Variants in RSPO3 observed in about 807,000 individuals in gnomAD.
RSPO3 encodes the protein R-spondin-3.
Under a neutral mutation model 36.5 loss-of-function variants are expected in RSPO3, and 17 were observed. The observed-to-expected ratio is 0.47, with a 90% CI of 0.32 to 0.70. RSPO3 has a LOEUF of 0.70. RSPO3 is among the 30% of genes least tolerant of loss of function. The pLI is 0.04. For missense variants in RSPO3, 294 were observed against 322.5 expected (o/e 0.91, Z 0.68); for synonymous variants, 108 against 107.0 (o/e 1.01, Z -0.06).
At chr6:127,133,921 T>C (rs1774104443) in intron 1 of RSPO3, among the ~76,000 whole-genome samples, 1 of 152,114 alleles carries the variant, frequency 6.6e-6, no homozygotes, top group Non-Finnish European at 1.5e-5. Flanking sequence ...GGAAAGAAAA[T>C]ATTAATTCAG....
At chr6:127,125,906 A>T (rs1182586961) in intron 1 of RSPO3, among the ~76,000 whole-genome samples, 1 of 152,126 alleles carries the variant, frequency 6.6e-6, no homozygotes, top group Non-Finnish European at 1.5e-5. Flanking sequence ...AATTATGAGG[A>T]AGAGATGATT....
intron 1 of RSPO3, among the ~76,000 whole-genome samples, chr6:127,121,755 C>A (rs1321416235): frequency 6.6e-6 from 1 of 152,146 alleles, no homozygotes; most frequent in East Asian, 1.9e-4. Context: ...AAAAAACGAA[C>A]AAAAAGATTC....
At chr6:127,142,376 A>G (rs1162690768) in intron 1 of RSPO3, among the ~76,000 whole-genome samples, 2 of 152,332 alleles carry the variant, frequency 1.3e-5, no homozygotes, top group Non-Finnish European at 2.9e-5. Flanking sequence ...TTAGAGAGAC[A>G]GCCAAATAAT....
At chr6:127,172,826 T>A (rs1774967755) in intron 4 of RSPO3, among the ~76,000 whole-genome samples, 1 of 151,732 alleles carries the variant, frequency 6.6e-6, no homozygotes, top group African/African-American at 2.4e-5. Flanking sequence ...GTGTGAGTAG[T>A]AGATTTCACA....
intron 4 of RSPO3, 27 bp downstream of exon 4, chr6:127,155,465 T>C: frequency 1.9e-6 from 3 of 1,592,826 alleles, no homozygotes; most frequent in East Asian, 4.5e-5. Context: ...AAAATGTGCT[T>C]GTTTGAATCC....
At chr6:127,189,652 T>C (rs1248762482) in intron 4 of RSPO3, among the ~76,000 whole-genome samples, 1 of 152,236 alleles carries the variant, frequency 6.6e-6, no homozygotes, top group Non-Finnish European at 1.5e-5. Context: ...AATCTCAGTA[T>C]ATTTTAATGG....
chr6:127,144,370 G>T (rs1312119584), intron 1 of RSPO3, among the ~76,000 whole-genome samples: 1 of 151,906 alleles, frequency 6.6e-6, no homozygotes, highest in Non-Finnish European at 1.5e-5. Context: ...TTTCACCTCT[G>T]ATCTAAACTC....
At chr6:127,135,639 CAT>C (rs1214058161) in intron 1 of RSPO3, among the ~76,000 whole-genome samples, 1 of 151,670 alleles carries the variant, frequency 6.6e-6, no homozygotes, top group Admixed American at 6.6e-5. Context: ...CAGAAAAGCA[CAT>C]GTCGATTAGA....
chr6:127,140,178 C>A (rs1774242293), intron 1 of RSPO3, among the ~76,000 whole-genome samples: 1 of 152,042 alleles, frequency 6.6e-6, no homozygotes, highest in Admixed American at 6.6e-5. Flanking sequence ...TGTTGTTACT[C>A]TAAGTTATTT....
At chr6:127,178,938 T>C (rs1169566401) in intron 4 of RSPO3, among the ~76,000 whole-genome samples, 1 of 151,976 alleles carries the variant, frequency 6.6e-6, no homozygotes. Context: ...AGAGAAAACA[T>C]GGGAATAAAT....
intron 4 of RSPO3, among the ~76,000 whole-genome samples, chr6:127,157,977 T>A (rs1388210776): frequency 2.0e-5 from 3 of 151,340 alleles, no homozygotes; most frequent in Non-Finnish European, 4.4e-5. Context: ...ATCAAAATAA[T>A]AACATCCAGA....
chr6:127,140,808 C>G (rs1774254563), intron 1 of RSPO3, among the ~76,000 whole-genome samples: 1 of 152,142 alleles, frequency 6.6e-6, no homozygotes. Context: ...TGGTACCTGT[C>G]ATGTTGCTCC....
At chr6:127,157,006 A>G (rs184123196) in intron 4 of RSPO3, among the ~76,000 whole-genome samples, 2 of 152,280 alleles carry the variant, frequency 1.3e-5, no homozygotes, top group African/African-American at 4.8e-5. Flanking sequence ...GGGTTATTTA[A>G]AGAGAACTTC....
intron 1 of RSPO3, among the ~76,000 whole-genome samples, chr6:127,138,163 T>C (rs766138855): frequency 3.9e-5 from 6 of 152,106 alleles, no homozygotes; most frequent in Non-Finnish European, 8.8e-5. Flanking sequence ...ATCCAGGCCA[T>C]TTTTACACAC....
Position 127,155,334 on chromosome 6 carries a change from G to A in RSPO3, c.530G>A (p.Arg177Gln), listed in dbSNP as rs763043841. The change falls in exon 4 of 5, where the codon CGA becomes CAA. Residue 177 changes from arginine (R) to glutamine (Q), a missense_variant. Coordinates refer to ENST00000356698, the MANE Select transcript of RSPO3 (RefSeq NM_032784.5). ...GFKRGTETRV[R>Q]EIIQHPSAKG... ...AAAAGAGGGACTGAAACACGGGTCC[G>A]AGAAATAATACAGCATCCTTCAGCA... 6 of 1,613,772 alleles carry A rather than the reference G, an allele frequency of 3.7e-6. No individual in the cohort carries two copies. Among genetic ancestry groups the A allele is most frequent in the African/African-American group, 2.7e-5 (2 of 74,892 alleles).
chr6:127,162,692 A>C (rs1224192187), intron 4 of RSPO3, among the ~76,000 whole-genome samples: 1 of 152,128 alleles, frequency 6.6e-6, no homozygotes, highest in Non-Finnish European at 1.5e-5. Flanking sequence ...TATATTCCGA[A>C]TGGTTTATAT....
intron 1 of RSPO3, among the ~76,000 whole-genome samples, chr6:127,126,747 T>C (rs1773946420): frequency 6.6e-6 from 1 of 152,114 alleles, no homozygotes; most frequent in Non-Finnish European, 1.5e-5. Flanking sequence ...TCTCTTAATA[T>C]AAGAGAATCT....
rs80222553 is a variant in RSPO3, at chr6:127,139,894, A to G, written c.98-8754A>G. Reference sequence around the variant, plus strand: ...TCAGTACCTTACATTTTACACTCGTAGCAGAGTGCATTCACTTTACAAAGG... The same window carrying G: ...TCAGTACCTTACATTTTACACTCGTGGCAGAGTGCATTCACTTTACAAAGG... On this transcript the variant is annotated intron_variant, in intron 1 of 4. Transcript: ENST00000356698. Among the ~76,000 whole-genome samples the G allele has an allele frequency of 2.5e-3, 375 of 152,224 alleles. 1 individual carries two copies. The highest frequency in any genetic ancestry group is 0.014 in the South Asian group (67 of 4,818).
intron 4 of RSPO3, among the ~76,000 whole-genome samples, chr6:127,181,445 T>C (rs192865528): frequency 5.9e-5 from 9 of 151,748 alleles, no homozygotes; most frequent in African/African-American, 1.9e-4. Context: ...CTGAAAAGAG[T>C]TGCTAATTTT....
Sources: allele counts gnomAD v4.1 joint callset (sites outside exome capture counted in the v4.1 genomes callset), GRCh38; gene constraint gnomAD v4.1.1; transcripts MANE v1.5; gene names NCBI Gene and HGNC (gene_info 2026-07-23, HGNC 2026-07-21).